The following SGCZ variants were observed in gnomAD, a reference collection of about 807,000 sequenced individuals.
SGCZ encodes sarcoglycan zeta, also known as zeta-sarcoglycan.
In SGCZ, 40 loss-of-function variants were observed where a neutral mutation model predicts 41.3. The observed-to-expected ratio is 0.97, with a 90% CI of 0.75 to 1.26. The LOEUF is 1.26. Ranked by LOEUF, SGCZ falls within the 50% of genes most tolerant of loss-of-function variation. The pLI is 0.00. For synonymous variants in SGCZ, 206 were observed against 137.5 expected, an observed-to-expected ratio of 1.50 and a Z score of -3.49; for missense variants, 552 against 369.8, an observed-to-expected ratio of 1.49 and a Z score of -4.04.
At chr8:15,206,166 T>A (rs918512717) in intron 1 of SGCZ, among the ~76,000 whole-genome samples, 10 of 152,124 alleles carry the variant, frequency 6.6e-5, no homozygotes, top group African/African-American at 2.4e-4. Flanking sequence ...TTCATATGTA[T>A]GCCGGAACCT....
chr8:14,959,945 A>G (rs1002136106), intron 1 of SGCZ, among the ~76,000 whole-genome samples: 2 of 152,274 alleles, frequency 1.3e-5, no homozygotes, highest in African/African-American at 4.8e-5. Flanking sequence ...CATGGGGCTG[A>G]GCAACCAATC....
At chr8:14,704,910 A>C (rs1212490403) in intron 1 of SGCZ, among the ~76,000 whole-genome samples, 1 of 152,042 alleles carries the variant, frequency 6.6e-6, no homozygotes, top group Non-Finnish European at 1.5e-5. Flanking sequence ...ATAAGAATCG[A>C]TGCAACTATC....
At chr8:14,851,020 T>C (rs1194923746) in intron 1 of SGCZ, among the ~76,000 whole-genome samples, 2 of 152,064 alleles carry the variant, frequency 1.3e-5, no homozygotes, top group African/African-American at 2.4e-5. Flanking sequence ...TACAGAGTAA[T>C]ATGCTATTGC....
chr8:14,774,247 T>C (rs1244392535), intron 1 of SGCZ, among the ~76,000 whole-genome samples: 1 of 152,192 alleles, frequency 6.6e-6, no homozygotes, highest in African/African-American at 2.4e-5. Flanking sequence ...TGCTATATTG[T>C]CTCTTCTCTA....
At chr8:14,646,281 T>C (rs1475486569) in intron 1 of SGCZ, among the ~76,000 whole-genome samples, 2 of 151,954 alleles carry the variant, frequency 1.3e-5, no homozygotes, top group African/African-American at 2.4e-5. Flanking sequence ...TAGTTCCCAC[T>C]TATGAGCAAG....
At chr8:14,721,285 A>C (rs1809878298) in intron 1 of SGCZ, among the ~76,000 whole-genome samples, 1 of 152,152 alleles carries the variant, frequency 6.6e-6, no homozygotes, top group African/African-American at 2.4e-5. Flanking sequence ...TCTCCATCTC[A>C]TCTTTCCTTA....
intron 2 of SGCZ, among the ~76,000 whole-genome samples, chr8:14,386,224 G>C (rs1804571672): frequency 6.6e-6 from 1 of 151,438 alleles, no homozygotes; most frequent in Admixed American, 6.6e-5. Context: ...TTGAATGCCT[G>C]ATATAATTGC....
chr8:14,267,751 G>T (rs977688407), intron 3 of SGCZ, among the ~76,000 whole-genome samples: 51 of 151,882 alleles, frequency 3.4e-4, no homozygotes, highest in African/African-American at 9.9e-4. Context: ...AGGAGTTTGG[G>T]CTCATTGATC....
At chr8:14,679,684 A>G (rs963375096) in intron 1 of SGCZ, among the ~76,000 whole-genome samples, 1 of 151,900 alleles carries the variant, frequency 6.6e-6, no homozygotes, top group African/African-American at 2.4e-5. Context: ...TTGAAGAAAA[A>G]TATTCTCATA....
At chr8:14,662,450 C>T (rs1340081869) in intron 1 of SGCZ, among the ~76,000 whole-genome samples, 1 of 152,150 alleles carries the variant, frequency 6.6e-6, no homozygotes, top group Non-Finnish European at 1.5e-5. Flanking sequence ...ATATTAATCT[C>T]TTCCCCATTT....
At position 14,869,309 on chromosome 8, in the gene SGCZ, A is replaced by G. The variant is rs575609651; in HGVS notation, c.40-314383T>C. Reference sequence around the variant, plus strand: ...ATATGCAAATCAATAAACGTAATCCATCACATATACAGAATCAATCACAAA... The same window carrying G: ...ATATGCAAATCAATAAACGTAATCCGTCACATATACAGAATCAATCACAAA... On this transcript the variant is annotated intron_variant, in intron 1 of 7. Transcript: ENST00000382080. Among the ~76,000 whole-genome samples, 9 of 152,296 alleles carry G rather than the reference A, an allele frequency of 5.9e-5. No homozygotes were observed. In the South Asian group the frequency reaches 1.9e-3, roughly 32 times the overall value.
At chr8:14,407,992 T>G (rs995680108) in intron 2 of SGCZ, among the ~76,000 whole-genome samples, 1 of 152,182 alleles carries the variant, frequency 6.6e-6, no homozygotes, top group Admixed American at 6.6e-5. Context: ...AGTTATTTAA[T>G]GATAGACTAA....
chr8:14,826,202 C>A (rs187869720), intron 1 of SGCZ, among the ~76,000 whole-genome samples: 26 of 150,756 alleles, frequency 1.7e-4, no homozygotes, highest in South Asian at 8.4e-4. Context: ...TTTGTCCTTG[C>A]GATAGTTTGC....
chr8:14,301,433 A>T (rs917986325), intron 3 of SGCZ, among the ~76,000 whole-genome samples: 1 of 152,078 alleles, frequency 6.6e-6, no homozygotes, highest in Non-Finnish European at 1.5e-5. Flanking sequence ...TTATAACATG[A>T]TACCTGTTTT....
chr8:14,333,051 A>G (rs1462025668), intron 2 of SGCZ, among the ~76,000 whole-genome samples: 2 of 152,032 alleles, frequency 1.3e-5, no homozygotes, highest in Non-Finnish European at 1.5e-5. Context: ...TTTTTGAGAA[A>G]AAAATATATT....
At position 14,827,967 on chromosome 8, in the gene SGCZ, T is replaced by C. The variant is rs1802392213; in HGVS notation, c.40-273041A>G. Among the ~76,000 whole-genome samples the C allele has an allele frequency of 3.3e-5, 5 of 152,284 alleles. No homozygotes were observed. The South Asian group carries it at 1.0e-3, about 32-fold the overall frequency. On this transcript the variant is annotated intron_variant, in intron 1 of 7. Transcript: ENST00000382080. The stretch of plus-strand genomic sequence containing the variant: ...ATTATGAAAGAACTAGGCAAAGTGT[T>C]CAAAAATTTTTTGCACCAAAATAAA...
intron 1 of SGCZ, among the ~76,000 whole-genome samples, chr8:15,133,259 G>C (rs760113558): frequency 4.3e-4 from 65 of 152,168 alleles, no homozygotes; most frequent in South Asian, 8.3e-4. Context: ...CTTTTGGTAT[G>C]TGTTTTTGAT....
intron 4 of SGCZ, among the ~76,000 whole-genome samples, chr8:14,214,647 AC>A (rs1805930172): frequency 6.6e-6 from 1 of 152,128 alleles, no homozygotes; most frequent in Admixed American, 6.6e-5. Flanking sequence ...TTCAAACATA[AC>A]AATATAGGTA....
chr8:14,896,711 C>T (rs1011321401), intron 1 of SGCZ, among the ~76,000 whole-genome samples: 1 of 151,450 alleles, frequency 6.6e-6, no homozygotes, highest in Non-Finnish European at 1.5e-5. Context: ...TCCTGACCTC[C>T]AGTGATAAAC....
Sources: gnomAD v4.1 joint callset for allele counts (sites outside exome capture counted in the v4.1 genomes callset) on GRCh38, gnomAD v4.1.1 for gene constraint, MANE v1.5 for transcripts, NCBI Gene and HGNC (gene_info 2026-07-23, HGNC 2026-07-21) for gene names.